Variants in CSGALNACT1 observed in about 807,000 individuals in gnomAD.
The protein encoded by CSGALNACT1 is chondroitin sulfate N-acetylgalactosaminyltransferase 1.
CSGALNACT1 carries 52 observed loss-of-function variants against 51.0 expected under a neutral mutation model. The ratio of observed to expected loss-of-function variants is 1.02; its 90% CI spans 0.82 to 1.29. The LOEUF is 1.29. Among genes scored for constraint, CSGALNACT1 ranks in the 50% most tolerant of loss-of-function variants. The pLI is 0.00. For synonymous variants in CSGALNACT1, 341 were observed against 254.4 expected (o/e 1.34, Z -3.24); for missense variants, 935 against 679.2 (o/e 1.38, Z -4.19).
At chr8:19,666,979 GAAAGAAAGAAAGAAAGA>G (rs2059342123) in intron 1 of CSGALNACT1, among the ~76,000 whole-genome samples, 1 of 12,410 alleles carries the variant, frequency 8.1e-5, no homozygotes, top group Non-Finnish European at 1.4e-4. Flanking sequence ...AAGAAAGAAA[GAAAGAAAGAAAGAAAGA>G]AAGAAAGAAA....
chr8:19,572,181 T>G (rs1221759455), intron 3 of CSGALNACT1, among the ~76,000 whole-genome samples: 1 of 152,202 alleles, frequency 6.6e-6, no homozygotes, highest in East Asian at 1.9e-4. Context: ...CTTTTTAAAC[T>G]TTTAGAGTTC....
chr8:19,418,559 A>C, intron 8 of CSGALNACT1, 97 bp downstream of exon 7: 1 of 825,724 alleles, frequency 1.2e-6, no homozygotes. Flanking sequence ...GAATCATTGC[A>C]CAGATTTCTA....
intron 1 of CSGALNACT1, among the ~76,000 whole-genome samples, chr8:19,720,351 C>CG (rs1351206475): frequency 6.6e-6 from 1 of 152,098 alleles, no homozygotes; most frequent in African/African-American, 2.4e-5. Flanking sequence ...ATAAGAAACT[C>CG]GGAGGAATAA....
chr8:19,541,587 A>ACAGGAATT (rs1342903577), intron 3 of CSGALNACT1, among the ~76,000 whole-genome samples: 1 of 72,994 alleles, frequency 1.4e-5, no homozygotes, highest in Non-Finnish European at 2.4e-5. Context: ...TTTAGTAGAG[A>ACAGGAATT]CAGGAATTCA....
chr8:19,437,606 C>T (rs566532622), intron 6 of CSGALNACT1, among the ~76,000 whole-genome samples: 2 of 152,062 alleles, frequency 1.3e-5, no homozygotes, highest in Non-Finnish European at 2.9e-5. Context: ...GAGATCAACA[C>T]CAAAAAATTA....
At chr8:19,592,751 C>T (rs748849097) in intron 2 of CSGALNACT1, among the ~76,000 whole-genome samples, 1 of 151,640 alleles carries the variant, frequency 6.6e-6, no homozygotes, top group African/African-American at 2.4e-5. Flanking sequence ...GCCTGGGGGA[C>T]AAAGACAGAC....
rs141721034 is a variant in CSGALNACT1 at position 19,644,057 on chromosome 8, TAA to T, written c.-544+38414_-544+38415del. Among the ~76,000 whole-genome samples, 870 of 152,360 alleles carry T rather than the reference TAA, an allele frequency of 5.7e-3. 9 individuals are homozygous for T. The highest frequency in any genetic ancestry group is 0.02 in the African/African-American group (821 of 41,586). On this transcript the variant is annotated intron_variant, in intron 1 of 9. Coordinates refer to the CSGALNACT1 transcript ENST00000332246. ...TTACATGCCTAACATTGGAGAATGC[TAA>T]GTTATGGCATATAGATTTTATAAAA...
At chr8:19,502,869 T>G (rs1482979886) in intron 4 of CSGALNACT1, among the ~76,000 whole-genome samples, 1 of 152,162 alleles carries the variant, frequency 6.6e-6, no homozygotes, top group Non-Finnish European at 1.5e-5. Context: ...TCCAATCACC[T>G]CTCTGAAGCT....
At chr8:19,478,508 C>T (rs966960298) in intron 4 of CSGALNACT1, among the ~76,000 whole-genome samples, 2 of 151,334 alleles carry the variant, frequency 1.3e-5, no homozygotes, top group African/African-American at 4.9e-5. Flanking sequence ...CTCGACTCCC[C>T]AAGAGACTAA....
At chr8:19,647,478 T>C (rs2057384802) in intron 1 of CSGALNACT1, among the ~76,000 whole-genome samples, 1 of 152,210 alleles carries the variant, frequency 6.6e-6, no homozygotes, top group Non-Finnish European at 1.5e-5. Context: ...TCTTGGCATG[T>C]TATTTTTGCT....
intron 1 of CSGALNACT1, among the ~76,000 whole-genome samples, chr8:19,620,428 A>T (rs1479526125): frequency 7.0e-6 from 1 of 142,726 alleles, no homozygotes; most frequent in Non-Finnish European, 1.5e-5. Context: ...CTGGAAAAGA[A>T]TCTTTTTTTT....
chr8:19,601,744 G>C (rs967372313), intron 2 of CSGALNACT1, 27 bp downstream of exon 2: 1 of 448,258 alleles, frequency 2.2e-6, no homozygotes, highest in Non-Finnish European at 4.5e-6. Flanking sequence ...GCAAAGGTTT[G>C]TTTCTTGAGT....
intron 4 of CSGALNACT1, among the ~76,000 whole-genome samples, chr8:19,478,932 G>A (rs577345773): frequency 6.6e-6 from 1 of 152,224 alleles, no homozygotes; most frequent in South Asian, 2.1e-4. Flanking sequence ...ATGTTTGGAT[G>A]GTAGGAAAAA....
At chr8:19,559,237 A>G (rs2040162169) in intron 3 of CSGALNACT1, among the ~76,000 whole-genome samples, 1 of 152,218 alleles carries the variant, frequency 6.6e-6, no homozygotes, top group African/African-American at 2.4e-5. Context: ...CAAGTTGATT[A>G]TAATTTTTTC....
rs1589297777 is a variant in CSGALNACT1, at chr8:19,655,909, C to T, written c.-544+26564G>A. Among the ~76,000 whole-genome samples, 3 of 152,032 alleles carry T rather than the reference C, an allele frequency of 2.0e-5. No individual in the cohort carries two copies. The South Asian group carries it at 6.2e-4, about 32-fold the overall frequency. ...AGGTAGAAATTTGTGATCAATGTGC[C>T]ACTACTATGCTAATTGAAAGGAGGG... On this transcript the variant is annotated intron_variant, in intron 1 of 9. Coordinates refer to the CSGALNACT1 transcript ENST00000332246.
intron 3 of CSGALNACT1, among the ~76,000 whole-genome samples, chr8:19,575,573 TAAAAC>T (rs781331311): frequency 9.8e-5 from 15 of 152,336 alleles, no homozygotes; most frequent in South Asian, 2.1e-4. Context: ...AAGCAAGTGT[TAAAAC>T]AAAACAAAAC....
At chr8:19,710,415 C>T (rs1012487583) in intron 1 of CSGALNACT1, among the ~76,000 whole-genome samples, 1 of 152,100 alleles carries the variant, frequency 6.6e-6, no homozygotes, top group African/African-American at 2.4e-5. Context: ...AGAAATAGAT[C>T]GCCTTAACAA....
chr8:19,692,319 C>T (rs2061374071), intron 1 of CSGALNACT1, among the ~76,000 whole-genome samples: 1 of 152,154 alleles, frequency 6.6e-6, no homozygotes, highest in Non-Finnish European at 1.5e-5. Context: ...TGTTACCTGC[C>T]CTTCAGGTGC....
At chr8:19,473,028 C>G (rs531321735) in intron 4 of CSGALNACT1, among the ~76,000 whole-genome samples, 9 of 152,260 alleles carry the variant, frequency 5.9e-5, no homozygotes, top group African/African-American at 1.7e-4. Flanking sequence ...TAATGTATTA[C>G]TGCTCTCAGT....
Sources: gnomAD v4.1 joint callset for allele counts (sites outside exome capture counted in the v4.1 genomes callset) on GRCh38, gnomAD v4.1.1 for gene constraint, MANE v1.5 for transcripts, NCBI Gene and HGNC (gene_info 2026-07-23, HGNC 2026-07-21) for gene names.